The following ENTPD1 variants were observed in gnomAD, a reference collection of about 807,000 sequenced individuals.
ENTPD1 encodes ATP diphosphohydrolase.
A neutral mutation model predicts 57.0 loss-of-function variants in ENTPD1; 33 were observed. The observed-to-expected ratio is 0.58, with a 90% CI of 0.44 to 0.77. The LOEUF (loss-of-function observed/expected upper bound fraction) is 0.77, where lower values mean the gene tolerates loss of function less well. Ranked by LOEUF, ENTPD1 falls within the 30% of genes least tolerant of loss-of-function variation. The pLI, the probability that ENTPD1 is intolerant of heterozygous loss-of-function variation, is 0.00. For missense variants in ENTPD1, 501 were observed against 603.4 expected (o/e 0.83, Z 1.78); for synonymous variants, 202 against 218.8 (o/e 0.92, Z 0.68).
At chr10:95,807,251 C>G (rs1012867572) in intron 1 of ENTPD1, among the ~76,000 whole-genome samples, 1 of 152,230 alleles carries the variant, frequency 6.6e-6, no homozygotes, top group Non-Finnish European at 1.5e-5. Flanking sequence ...TTCCACCTTG[C>G]GGTTCAATCT....
At chr10:95,755,992 GC>G (rs2098021667), upstream of ENTPD1, 1 of 1,464,774 alleles carries the variant, frequency 6.8e-7, no homozygotes, top group South Asian at 1.5e-5. Context: ...CCTGGAAAAG[GC>G]TTCGAGTAAC....
rs76406697 is a variant in ENTPD1 at position 95,873,171 on chromosome 10, G to A, written c.*6788G>A. On this transcript the variant is annotated 3_prime_UTR_variant, in exon 10 of 10. Coordinates refer to ENST00000371205, the MANE Select transcript of ENTPD1 (RefSeq NM_001776.6). ...CATCTGTCCAGGAATCACACTTTGC[G>A]TATCAAAGGTCTAGATGACATTATC... 1.0e-3 allele frequency: 1,001 copies of A among 985,302 alleles called. No individual in the cohort carries two copies. In the East Asian group the frequency reaches 0.01, roughly 10 times the overall value. The allele number at this position is 985,302 out of a possible 1,614,324, so 61.0% of individuals were successfully genotyped here. A position where few individuals can be genotyped will look rare whatever the true frequency, so the allele number is the denominator to read the frequency against.
chr10:95,816,434 A>G (rs1797926050), intron 1 of ENTPD1, among the ~76,000 whole-genome samples: 1 of 152,154 alleles, frequency 6.6e-6, no homozygotes, highest in South Asian at 2.1e-4. Context: ...GTGTGACTTT[A>G]TTTGGAAATA....
At chr10:95,707,068 C>T (rs1340260806), upstream of ENTPD1, among the ~76,000 whole-genome samples, 1 of 152,162 alleles carries the variant, frequency 6.6e-6, no homozygotes, top group Non-Finnish European at 1.5e-5. Flanking sequence ...GGGAGGGTGG[C>T]CACAGCTATA....
upstream of ENTPD1, chr10:95,711,683 A>G: frequency 2.3e-6 from 1 of 437,438 alleles, no homozygotes; most frequent in South Asian, 2.3e-5. Flanking sequence ...CTTGGCCCCA[A>G]GGCATACTCC....
intron 1 of ENTPD1, among the ~76,000 whole-genome samples, chr10:95,718,589 G>A (rs1305350018): frequency 6.6e-6 from 1 of 152,132 alleles, no homozygotes; most frequent in Non-Finnish European, 1.5e-5. Flanking sequence ...ATTGCTGTGT[G>A]GGCATGGAGA....
intron 2 of ENTPD1, among the ~76,000 whole-genome samples, chr10:95,834,452 G>A (rs750663767): frequency 1.1e-4 from 16 of 152,090 alleles, no homozygotes; most frequent in Non-Finnish European, 2.4e-4. Flanking sequence ...GGGCTTTCTC[G>A]GTAAAGGCCC....
At chr10:95,855,211 T>C (rs2098452340) in intron 7 of ENTPD1, among the ~76,000 whole-genome samples, 1 of 152,318 alleles carries the variant, frequency 6.6e-6, no homozygotes, top group South Asian at 2.1e-4. Context: ...TTGTCTCTTT[T>C]GATCTTTGTT....
At chr10:95,866,034 A>C in intron 9 of ENTPD1, 143 bp from the exon 10 acceptor site, 1 of 1,195,938 alleles carries the variant, frequency 8.4e-7, no homozygotes, top group Non-Finnish European at 1.2e-6. Flanking sequence ...CAAAGTGCTG[A>C]GATTACAGGC....
chr10:95,846,158 A>G (rs1168865429), intron 6 of ENTPD1: 1 of 158,844 alleles, frequency 6.3e-6, no homozygotes, highest in African/African-American at 2.4e-5. Flanking sequence ...ACTTGAGGTC[A>G]GGAGTTGGAG....
chr10:95,775,966 A>C lies in ENTPD1; in HGVS notation c.16+19711A>C, dbSNP rs144789205. 8.3e-3 allele frequency among the ~76,000 whole-genome samples: 1,261 copies of C among 152,040 alleles called. 16 individuals are homozygous for C. Among genetic ancestry groups the C allele is most frequent in the African/African-American group, 0.027 (1,123 of 41,486 alleles). On this transcript the variant is annotated intron_variant, in intron 1 of 9. Coordinates refer to ENST00000371205, the MANE Select transcript of ENTPD1 (RefSeq NM_001776.6). ...ATCAGAGACTAGGATTGCAACCCCTACTTTTTTTTGCTTTCCATTTGCTTG... is the reference window on the plus strand; with the variant it reads ...ATCAGAGACTAGGATTGCAACCCCTCCTTTTTTTTGCTTTCCATTTGCTTG...
At chr10:95,795,932 T>G (rs189147685) in intron 1 of ENTPD1, among the ~76,000 whole-genome samples, 1 of 152,336 alleles carries the variant, frequency 6.6e-6, no homozygotes, top group East Asian at 1.9e-4. Flanking sequence ...CCATGGAGTT[T>G]ATGATTAAGC....
intron 2 of ENTPD1, among the ~76,000 whole-genome samples, chr10:95,838,409 A>G (rs1029066464): frequency 2.0e-5 from 3 of 152,238 alleles, no homozygotes; most frequent in African/African-American, 7.2e-5. Context: ...AATAACCCGA[A>G]TGTCCATCAA....
At chr10:95,751,691 G>A (rs1035500871), upstream of ENTPD1, among the ~76,000 whole-genome samples, 1 of 150,814 alleles carries the variant, frequency 6.6e-6, no homozygotes, top group Admixed American at 6.6e-5. Flanking sequence ...CTCCAGCCTG[G>A]GCGACAGAGT....
At chr10:95,855,703 G>T (rs1037797257) in intron 7 of ENTPD1, among the ~76,000 whole-genome samples, 15 of 152,198 alleles carry the variant, frequency 9.9e-5, no homozygotes, top group Admixed American at 4.6e-4. Context: ...TGAAGCTTAG[G>T]TTGGCTGGAC....
chr10:95,813,165 G>A (rs2140462250), intron 1 of ENTPD1, among the ~76,000 whole-genome samples: 1 of 152,324 alleles, frequency 6.6e-6, no homozygotes, highest in South Asian at 2.1e-4. Flanking sequence ...CATTTTGACA[G>A]GTTGGGAAGT....
chr10:95,859,512 CA>C (rs959600367), intron 7 of ENTPD1, among the ~76,000 whole-genome samples: 8 of 152,214 alleles, frequency 5.3e-5, no homozygotes, highest in African/African-American at 1.9e-4. Context: ...CAGTGTCTAG[CA>C]AACAGAGCTC....
chr10:95,696,717 T>A, the ENTPD1 span, among the ~76,000 whole-genome samples: 7 of 152,304 alleles, frequency 4.6e-5, no homozygotes, highest in African/African-American at 9.6e-5. Flanking sequence ...AGATGTCAGG[T>A]TTAGTATGGG....
chr10:95,746,065 T>C (rs1057006566), intron 1 of ENTPD1, among the ~76,000 whole-genome samples: 22 of 152,204 alleles, frequency 1.4e-4, no homozygotes, highest in African/African-American at 5.1e-4. Flanking sequence ...CTTTGTGCTA[T>C]AGAAGGGAAA....
Sources: gnomAD v4.1 joint callset for allele counts (sites outside exome capture counted in the v4.1 genomes callset) on GRCh38, gnomAD v4.1.1 for gene constraint, MANE v1.5 for transcripts, NCBI Gene and HGNC (gene_info 2026-07-23, HGNC 2026-07-21) for gene names.